Variants in TOB2 observed in about 807,000 individuals in gnomAD.
The protein encoded by TOB2 is transducer of ERBB2, 2.
A neutral mutation model predicts 17.3 loss-of-function variants in TOB2; 3 were observed. The ratio of observed to expected loss-of-function variants is 0.17; its 90% CI spans 0.08 to 0.45. The LOEUF (loss-of-function observed/expected upper bound fraction) is 0.45. Among genes scored for constraint, TOB2 ranks in the 20% least tolerant of loss-of-function variants. The pLI is 0.99. For missense variants in TOB2, 407 were observed against 445.7 expected, an observed-to-expected ratio of 0.91 and a Z score of 0.78; for synonymous variants, 163 against 185.6, an observed-to-expected ratio of 0.88 and a Z score of 0.99.
At position 41,435,323 on chromosome 22, in the gene TOB2, C is replaced by T. The variant is rs962936007; in HGVS notation, c.*988G>A. ...GTCTTGGGCTAAGCCACAGCGGTGT[C>T]ACCCCACCACACACACTGCCCTGCA... On this transcript the variant is annotated 3_prime_UTR_variant, in exon 2 of 2. Transcript: ENST00000327492. 1.3e-5 allele frequency: 2 copies of T among 152,250 alleles called. No homozygotes were observed. The highest frequency in any genetic ancestry group is 2.9e-5 in the Non-Finnish European group (2 of 68,070). 9.4% of individuals were successfully genotyped at this position (152,250 alleles called of 1,614,324 possible).
chr22:41,444,340 T>C (rs2037656048), intron 1 of TOB2, among the ~76,000 whole-genome samples: 1 of 152,206 alleles, frequency 6.6e-6, no homozygotes, highest in Non-Finnish European at 1.5e-5. Context: ...ACCTTAGGTC[T>C]GACAACAAGG....
chr22:41,438,531 G>A (rs1190415175), intron 1 of TOB2, among the ~76,000 whole-genome samples: 1 of 146,074 alleles, frequency 6.8e-6, no homozygotes, highest in Non-Finnish European at 1.5e-5. Context: ...CCGGGAGGTT[G>A]AGGTAGGAGA....
At chr22:41,445,246 C>G (rs774598804) in intron 1 of TOB2, among the ~76,000 whole-genome samples, 5 of 152,212 alleles carry the variant, frequency 3.3e-5, no homozygotes, top group Non-Finnish European at 5.9e-5. Context: ...TACTAAAATT[C>G]TGTGTGTCTC....
intron 1 of TOB2, among the ~76,000 whole-genome samples, chr22:41,438,630 C>CAAAAAAAAA (rs749494672): frequency 0.03 from 377 of 12,680 alleles, 99 homozygotes; most frequent in Non-Finnish European, 0.035. Flanking sequence ...AACTCTGTCT[C>CAAAAAAAAA]AAAAAAAAAA....
Position 41,440,262 on chromosome 22 carries a change from C to T in TOB2, c.-62-2855G>A, listed in dbSNP as rs2037600617. ...TCTCCCAAGTAGCTGGGATTACAGG[C>T]GTGCACCACCACTCCTGGCTAATTT... On this transcript the variant is annotated intron_variant, in intron 1 of 1. Coordinates refer to ENST00000327492, the MANE Select transcript of TOB2 (RefSeq NM_016272.4). Among the ~76,000 whole-genome samples the T allele has an allele frequency of 2.6e-5, 4 of 151,116 alleles. No homozygotes were observed. The South Asian group carries it at 8.4e-4, about 32-fold the overall frequency.
At chr22:41,444,490 C>T (rs2037658523) in intron 1 of TOB2, among the ~76,000 whole-genome samples, 2 of 152,260 alleles carry the variant, frequency 1.3e-5, no homozygotes, top group Admixed American at 1.3e-4. Context: ...TCCTCAAACA[C>T]CTCCGGACCA....
rs1168242883 is a variant in TOB2 at position 41,436,359 on chromosome 22, G to C, written c.987C>G (p.Thr329=). 6.2e-7 allele frequency: 1 copy of C among 1,608,332 alleles called. No homozygotes were observed. Among genetic ancestry groups the C allele is most frequent in the East Asian group, 2.2e-5 (1 of 44,870 alleles). ...FVEGLSYNLN[T]MQYPSQQFQP... The stretch of plus-strand genomic sequence containing the variant: ...GGAACTGCTGGCTGGGATACTGCAT[G>C]GTGTTCAGGTTGTAGCTGAGGCCTT... Residue 329 remains threonine, a synonymous_variant, in exon 2 of 2, where the codon ACC becomes ACG. Transcript: ENST00000327492. The surrounding 1 kb of genome is among the most constrained non-coding windows in gnomAD (Gnocchi z 4.8).
Position 41,436,252 on chromosome 22 carries a change from C to T in TOB2, c.*59G>A, listed in dbSNP as rs1391840666. 12 of 1,478,208 alleles carry T rather than the reference C, an allele frequency of 8.1e-6. No individual in the cohort carries two copies. The highest frequency in any genetic ancestry group is 2.8e-5 in the African/African-American group (2 of 71,022). 91.6% of individuals were successfully genotyped at this position (1,478,208 alleles called of 1,614,324 possible). A position where few individuals can be genotyped will look rare whatever the true frequency, so the allele number is the denominator to read the frequency against. On this transcript the variant is annotated 3_prime_UTR_variant, in exon 2 of 2. Coordinates refer to ENST00000327492, the MANE Select transcript of TOB2 (RefSeq NM_016272.4). This position sits in a 1 kb window ranked among gnomAD's most constrained non-coding sequence, Gnocchi z 4.8. ...ATTTTTCTTTTCCTCTTTTTTTTGG[C>T]CTTTCCTTTCTCTTTTCTGTGGTCT...
At chr22:41,438,119 A>G (rs1183812123) in intron 1 of TOB2, among the ~76,000 whole-genome samples, 1 of 152,168 alleles carries the variant, frequency 6.6e-6, no homozygotes, top group Non-Finnish European at 1.5e-5. Flanking sequence ...TCTCTGCAAT[A>G]TCTTGGTGAA....
At chr22:41,446,801 CAA>C (rs1412169457), upstream of TOB2, 6 of 152,626 alleles carry the variant, frequency 3.9e-5, no homozygotes. Context: ...CCGAAGTGAG[CAA>C]AGTCAATGAA....
At chr22:41,437,550 G>T (rs1267947969) in intron 1 of TOB2, 143 bp from the exon 2 acceptor site, 7 of 1,010,786 alleles carry the variant, frequency 6.9e-6, no homozygotes, top group Non-Finnish European at 8.3e-6. Flanking sequence ...GTCTGACTGT[G>T]GGCCCCAGTT....
chr22:41,440,207 T>C (rs2037599468), intron 1 of TOB2, among the ~76,000 whole-genome samples: 1 of 150,984 alleles, frequency 6.6e-6, no homozygotes, highest in South Asian at 2.1e-4. Flanking sequence ...AACCTCTGCC[T>C]CCCCGGTTCA....
At chr22:41,443,271 TCA>T (rs1569271162) in intron 1 of TOB2, among the ~76,000 whole-genome samples, 1 of 152,078 alleles carries the variant, frequency 6.6e-6, no homozygotes, top group African/African-American at 2.4e-5. Flanking sequence ...TGTGTGTGTG[TCA>T]CACGCGCGCG....
rs146030542 is a variant in TOB2, at chr22:41,436,748, C to G, written c.598G>C (p.Gly200Arg). 1 of 1,613,778 alleles carries G rather than the reference C, an allele frequency of 6.2e-7. No individual in the cohort carries two copies. Among genetic ancestry groups the G allele is most frequent in the Non-Finnish European group, 8.5e-7 (1 of 1,179,864 alleles). The change falls in exon 2 of 2, where the codon GGT (glycine) becomes CGT (arginine). Residue 200 changes from glycine to arginine, a missense_variant. Gly to Arg is a moderately radical substitution (Grantham distance 125). Transcript: ENST00000327492. This position sits in a 1 kb window ranked among gnomAD's most constrained non-coding sequence, Gnocchi z 4.8. ...GCCCCACTGCTGGCTACACCCCCAC[C>G]ACTTGCTGCCCCGCCCCCCTTCTTC... ...KMKKGGGAAS[G>R]GGVASSGAGG...
At chr22:41,443,334 CCCT>C (rs2037640457) in intron 1 of TOB2, among the ~76,000 whole-genome samples, 3 of 152,160 alleles carry the variant, frequency 2.0e-5, no homozygotes, top group African/African-American at 4.8e-5. Context: ...TTTTTTCCCC[CCCT>C]CGAGACAGTC....
Position 41,436,986 on chromosome 22 carries a change from G to A in TOB2, c.360C>T (p.Cys120=), listed in dbSNP as rs200929341. 2.1e-5 allele frequency: 34 copies of A among 1,614,138 alleles called. No homozygotes were observed. Among genetic ancestry groups the A allele is most frequent in the African/African-American group, 2.0e-4 (15 of 75,030 alleles). Residue 120 remains cysteine (C), a synonymous_variant, in exon 2 of 2, where the codon TGC becomes TGT. Coordinates refer to ENST00000327492, the MANE Select transcript of TOB2 (RefSeq NM_016272.4). The surrounding 1 kb of genome is among the most constrained non-coding windows in gnomAD (Gnocchi z 4.8). ...TCTCCTTGTCCAGCTCTGGGGCACC[G>A]CAACCCTCACTGTCATCCAGGTACA... ...KVLYLDDSEG[C]GAPELDKEIK...
intron 1 of TOB2, 73 bp from the exon 2 acceptor site, chr22:41,437,480 A>G (rs2037567758): frequency 1.4e-6 from 2 of 1,464,126 alleles, no homozygotes; most frequent in Non-Finnish European, 1.8e-6. Context: ...ATAGACAGAA[A>G]AGCACCAACT....
rs370773970 is a variant in TOB2 at position 41,436,693 on chromosome 22, C to A, written c.653G>T (p.Arg218Leu). 2.5e-6 allele frequency: 4 copies of A among 1,613,442 alleles called. No individual in the cohort carries two copies. In the Admixed American group the frequency reaches 5.0e-5, roughly 20 times the overall value. ...AGGQQPPQQP[R>L]MARSPTNSLL... ...GCTGTTGGTGGGTGAGCGGGCCATG[C>A]GAGGCTGCTGTGGTGGCTGCTGGCC... The change falls in exon 2 of 2, where the codon CGC becomes CTC. Residue 218 changes from arginine (R) to leucine (L), a missense_variant. Arg to Leu is a moderately radical substitution (Grantham distance 102). Coordinates refer to ENST00000327492, the MANE Select transcript of TOB2 (RefSeq NM_016272.4). The surrounding 1 kb of genome is among the most constrained non-coding windows in gnomAD (Gnocchi z 4.8).
At chr22:41,438,909 C>T (rs1274050149) in intron 1 of TOB2, among the ~76,000 whole-genome samples, 1 of 152,110 alleles carries the variant, frequency 6.6e-6, no homozygotes, top group Non-Finnish European at 1.5e-5. Context: ...GACTGTCTGA[C>T]CACCTGTCCT....
Sources: gnomAD v4.1 joint callset for allele counts (sites outside exome capture counted in the v4.1 genomes callset) on GRCh38, gnomAD v4.1.1 for gene constraint, Gnocchi (gnomAD v3.1) non-coding constraint, MANE v1.5 for transcripts, NCBI Gene and HGNC (gene_info 2026-07-23, HGNC 2026-07-21) for gene names.